Variants in ASRGL1 observed in about 807,000 individuals in gnomAD.
ASRGL1 encodes asparaginase and isoaspartyl peptidase 1.
A neutral mutation model predicts 22.4 loss-of-function variants in ASRGL1; 16 were observed. The observed-to-expected ratio is 0.71, with a 90% CI of 0.48 to 1.08. The LOEUF (loss-of-function observed/expected upper bound fraction) is 1.08. Ranked by LOEUF, ASRGL1 falls within the 50% of genes least tolerant of loss-of-function variation. ASRGL1 has a pLI of 0.00. For missense variants in ASRGL1, 412 were observed against 410.1 expected, an observed-to-expected ratio of 1.00 and a Z score of -0.04; for synonymous variants, 165 against 159.3, an observed-to-expected ratio of 1.04 and a Z score of -0.27.
chr11:62,367,335 C>T (rs1156367337), intron 4 of ASRGL1, among the ~76,000 whole-genome samples: 1 of 140,414 alleles, frequency 7.1e-6, no homozygotes, highest in Non-Finnish European at 1.5e-5. Flanking sequence ...GAAACTCTGT[C>T]TCAAAAAAAA....
chr11:62,342,859 A>C (rs1318657903), intron 2 of ASRGL1, among the ~76,000 whole-genome samples: 3 of 151,976 alleles, frequency 2.0e-5, no homozygotes, highest in Non-Finnish European at 4.4e-5. Context: ...GTAGACGTGG[A>C]TATCAGTAGT....
intron 4 of ASRGL1, among the ~76,000 whole-genome samples, chr11:62,388,296 C>G (rs1044452056): frequency 1.3e-5 from 2 of 152,114 alleles, no homozygotes; most frequent in African/African-American, 4.8e-5. Context: ...GGAAAATTAA[C>G]GGATTTGATC....
At position 62,392,288 on chromosome 11, in the gene ASRGL1, G is replaced by T. The variant is rs373150881; in HGVS notation, c.*4G>T. 5.6e-6 allele frequency: 9 copies of T among 1,613,084 alleles called. No individual in the cohort carries two copies. The highest frequency in any genetic ancestry group is 1.1e-5 in the South Asian group (1 of 91,014). ...TACTATCACCGACCTTCCCTAAGCC[G>T]CTGGAAGATTGTATTCCAGATGCTA... is the stretch of plus-strand genomic sequence containing the variant. On this transcript the variant is annotated 3_prime_UTR_variant, in exon 7 of 7. Coordinates refer to ENST00000415229, the MANE Select transcript of ASRGL1 (RefSeq NM_001083926.2).
chr11:62,383,759 T>A (rs1947133087), intron 4 of ASRGL1, among the ~76,000 whole-genome samples: 1 of 149,106 alleles, frequency 6.7e-6, no homozygotes, highest in Non-Finnish European at 1.5e-5. Context: ...CCATCTCTAC[T>A]AAAAAATACA....
chr11:62,388,718 T>C (rs1947270651), intron 4 of ASRGL1, among the ~76,000 whole-genome samples: 1 of 149,494 alleles, frequency 6.7e-6, no homozygotes, highest in African/African-American at 2.5e-5. Flanking sequence ...AGCCTGTATC[T>C]ACCAAGTCAC....
Position 62,392,507 on chromosome 11 carries a change from T to G in ASRGL1, c.*223T>G. 1 of 581,824 alleles carries G rather than the reference T, an allele frequency of 1.7e-6. No individual in the cohort carries two copies. The highest frequency in any genetic ancestry group is 3.0e-6 in the Non-Finnish European group (1 of 329,678). 36.0% of individuals were successfully genotyped at this position (581,824 alleles called of 1,614,324 possible). A position where few individuals can be genotyped will look rare whatever the true frequency, so the allele number is the denominator to read the frequency against. On this transcript the variant is annotated 3_prime_UTR_variant, in exon 7 of 7. Transcript: ENST00000415229. ...TTACTTGAGCCCAGGAGGTCAAAGCTGAGGTGAGCCATGATTACTCCACTG... is the reference window on the plus strand; with the variant it reads ...TTACTTGAGCCCAGGAGGTCAAAGCGGAGGTGAGCCATGATTACTCCACTG...
intron 4 of ASRGL1, chr11:62,373,007 C>T: frequency 7.2e-7 from 1 of 1,388,038 alleles, no homozygotes. Flanking sequence ...ACAGGGATCA[C>T]AAGCCCAAGT....
In ASRGL1 at chr11:62,392,490, G is replaced by T. The variant is rs941083809; in HGVS notation, c.*206G>T. ...TGCCCGTATTAGGAGGATTACTTGAGCCCAGGAGGTCAAAGCTGAGGTGAG... is the reference window on the plus strand; with the variant it reads ...TGCCCGTATTAGGAGGATTACTTGATCCCAGGAGGTCAAAGCTGAGGTGAG... On this transcript the variant is annotated 3_prime_UTR_variant, in exon 7 of 7. Transcript: ENST00000415229. The T allele has an allele frequency of 6.2e-6, 4 of 642,062 alleles. No homozygotes were observed. In the African/African-American group the frequency reaches 7.4e-5, roughly 12 times the overall value. 39.8% of individuals were successfully genotyped at this position (642,062 alleles called of 1,614,324 possible).
chr11:62,400,032 C>A, the ASRGL1 span, among the ~76,000 whole-genome samples: 1 of 152,204 alleles, frequency 6.6e-6, no homozygotes, highest in Non-Finnish European at 1.5e-5. Context: ...GCTATCCCAC[C>A]CATCCTCCAG....
rs894730759 is a variant in ASRGL1, at chr11:62,362,496, A to G, written c.491+5352A>G. On this transcript the variant is annotated intron_variant, in intron 4 of 6. Transcript: ENST00000415229. Reference sequence around the variant, plus strand: ...ATATAAAATATATATAATATATATTATATAAAATATATAACATATATTATT... The same window carrying G: ...ATATAAAATATATATAATATATATTGTATAAAATATATAACATATATTATT... Among the ~76,000 whole-genome samples the G allele has an allele frequency of 8.2e-4, 53 of 64,906 alleles. 2 individuals are homozygous for G. The highest frequency in any genetic ancestry group is 3.3e-3 in the African/African-American group (50 of 14,948). 42.6% of individuals were successfully genotyped at this position (64,906 alleles called of 152,430 possible).
chr11:62,346,204 G>A (rs572125603), intron 2 of ASRGL1, among the ~76,000 whole-genome samples: 3 of 152,198 alleles, frequency 2.0e-5, no homozygotes, highest in South Asian at 2.1e-4. Context: ...CTCCCTCCTC[G>A]AATTCAGTTA....
intron 4 of ASRGL1, among the ~76,000 whole-genome samples, chr11:62,358,199 T>C (rs1052834358): frequency 6.6e-6 from 1 of 151,922 alleles, no homozygotes; most frequent in Non-Finnish European, 1.5e-5. Flanking sequence ...TGAAACCCCG[T>C]CTCTACTAAA....
At chr11:62,343,635 G>A (rs1835164620) in intron 2 of ASRGL1, among the ~76,000 whole-genome samples, 1 of 150,894 alleles carries the variant, frequency 6.6e-6, no homozygotes, top group Non-Finnish European at 1.5e-5. Flanking sequence ...TGCTGAGGCA[G>A]GAGAATCGCT....
chr11:62,373,181 C>T, intron 4 of ASRGL1: 1 of 1,114,432 alleles, frequency 9.0e-7, no homozygotes, highest in Non-Finnish European at 1.4e-6. Context: ...TCTGATGCTC[C>T]CAGAGACTCC....
rs777079279 is a variant in ASRGL1 at position 62,392,271 on chromosome 11, C to T, written c.914C>T (p.Thr305Ile). ...FGIDPDDTTI[T>I]DLP ...ATTGATCCTGACGATACTACTATCA[C>T]CGACCTTCCCTAAGCCGCTGGAAGA... is the stretch of plus-strand genomic sequence containing the variant. The change falls in exon 7 of 7, where the codon ACC becomes ATC. Residue 305 changes from threonine to isoleucine, a missense_variant. By Grantham distance (89) the Thr-to-Ile change is moderately conservative. Coordinates refer to ENST00000415229, the MANE Select transcript of ASRGL1 (RefSeq NM_001083926.2). The T allele has an allele frequency of 6.2e-7, 1 of 1,613,684 alleles. No individual in the cohort carries two copies. The highest frequency in any genetic ancestry group is 2.2e-5 in the East Asian group (1 of 44,882).
chr11:62,342,893 T>G (rs914396735), intron 2 of ASRGL1, among the ~76,000 whole-genome samples: 9 of 152,232 alleles, frequency 5.9e-5, no homozygotes, highest in Non-Finnish European at 1.2e-4. Flanking sequence ...TTGAGTAGTA[T>G]TCCATTGTAT....
intron 2 of ASRGL1, among the ~76,000 whole-genome samples, chr11:62,351,871 C>T (rs557460416): frequency 1.3e-5 from 2 of 152,134 alleles, no homozygotes; most frequent in South Asian, 4.1e-4. Context: ...ACAGGGTCTC[C>T]CTGTGTTGCC....
chr11:62,356,376 T>C lies in ASRGL1; in HGVS notation c.242T>C (p.Ile81Thr). 1.2e-6 allele frequency: 2 copies of C among 1,614,176 alleles called. No homozygotes were observed. The highest frequency in any genetic ancestry group is 1.7e-6 in the Non-Finnish European group (2 of 1,179,962). Residue 81 changes from isoleucine (I) to threonine (T), a missense_variant, in exon 3 of 7, where the codon ATC (isoleucine) becomes ACC (threonine). By Grantham distance (89) the Ile-to-Thr change is moderately conservative. Transcript: ENST00000415229. ...TNGEVEMDAS[I>T]MDGKDLSAGA... ...GGTGAGGTTGAAATGGATGCTAGTA[T>C]CATGGATGGAAAAGACCTGTCTGCA...
At chr11:62,376,598 T>C (rs950690756) in intron 4 of ASRGL1, among the ~76,000 whole-genome samples, 1 of 152,154 alleles carries the variant, frequency 6.6e-6, no homozygotes, top group Non-Finnish European at 1.5e-5. Flanking sequence ...AAATTTAAAG[T>C]ATAGAGTGCT....
Sources: gnomAD v4.1 joint callset for allele counts (sites outside exome capture counted in the v4.1 genomes callset) on GRCh38, gnomAD v4.1.1 for gene constraint, MANE v1.5 for transcripts, NCBI Gene and HGNC (gene_info 2026-07-23, HGNC 2026-07-21) for gene names.